The following FARS2 variants were observed in gnomAD, a reference collection of about 807,000 sequenced individuals.
FARS2 encodes the protein phenylalanine--tRNA ligase, mitochondrial.
FARS2 carries 40 observed loss-of-function variants against 46.4 expected under a neutral mutation model. That is an observed-to-expected ratio of 0.86 (90% confidence interval 0.67 to 1.12). The LOEUF (loss-of-function observed/expected upper bound fraction) is 1.12. Ranked by LOEUF, FARS2 falls within the 50% of genes most tolerant of loss-of-function variation. The pLI, the probability that FARS2 is intolerant of heterozygous loss-of-function variation, is 0.00. For missense variants in FARS2, 513 were observed against 567.9 expected, an observed-to-expected ratio of 0.90 and a Z score of 0.98; for synonymous variants, 234 against 214.9, an observed-to-expected ratio of 1.09 and a Z score of -0.78.
intron 6 of FARS2, among the ~76,000 whole-genome samples, chr6:5,696,380 G>A (rs188045479): frequency 6.6e-6 from 1 of 152,198 alleles, no homozygotes; most frequent in East Asian, 1.9e-4. Context: ...GTCTCATTAA[G>A]TATCACCCAG....
chr6:5,402,848 C>A (rs2432779), intron 2 of FARS2, among the ~76,000 whole-genome samples: 70,492 of 152,006 alleles, frequency 0.46, 18,547 homozygotes, highest in African/African-American at 0.72. Context: ...TTTTTAAAGG[C>A]TTTTCACACT....
At chr6:5,623,572 C>T (rs1325072244) in intron 6 of FARS2, among the ~76,000 whole-genome samples, 2 of 152,028 alleles carry the variant, frequency 1.3e-5, no homozygotes, top group African/African-American at 4.8e-5. Context: ...ATTAGCCAGA[C>T]GTGGTGGCAC....
intron 2 of FARS2, among the ~76,000 whole-genome samples, chr6:5,371,618 G>A (rs1759070460): frequency 6.6e-6 from 1 of 152,112 alleles, no homozygotes; most frequent in African/African-American, 2.4e-5. Context: ...AATAGATATT[G>A]AAAGTCTGCT....
At chr6:5,770,903 C>G (rs948483130) in intron 6 of FARS2, among the ~76,000 whole-genome samples, 2 of 152,150 alleles carry the variant, frequency 1.3e-5, no homozygotes, top group African/African-American at 4.8e-5. Flanking sequence ...AGGAGGCACA[C>G]GCGGGTTGAC....
intron 5 of FARS2, among the ~76,000 whole-genome samples, chr6:5,593,534 G>A (rs1774038238): frequency 6.6e-6 from 1 of 152,176 alleles, no homozygotes; most frequent in Admixed American, 6.5e-5. Flanking sequence ...TTCAGCACCT[G>A]TGGACAACTC....
In FARS2 at chr6:5,473,564, A is replaced by T. The variant is rs1278099518; in HGVS notation, c.904+42392A>T. Among the ~76,000 whole-genome samples, 7 of 151,470 alleles carry T rather than the reference A, an allele frequency of 4.6e-5. 1 individual carries two copies. The highest frequency in any genetic ancestry group is 1.7e-4 in the African/African-American group (7 of 41,298). ...AAAAAACAAAAAAAAAAAACAAAAG[A>T]ATACCCTGCTCCTGATTCAGGAGAG... On this transcript the variant is annotated intron_variant, in intron 4 of 6. Coordinates refer to ENST00000274680, the MANE Select transcript of FARS2 (RefSeq NM_006567.5).
chr6:5,390,578 A>G (rs17140394), intron 2 of FARS2, among the ~76,000 whole-genome samples: 11,379 of 152,284 alleles, frequency 0.075, 889 homozygotes, highest in African/African-American at 0.2. Flanking sequence ...TTTCTTGTGA[A>G]CAGCTCCTGG....
intron 1 of FARS2, among the ~76,000 whole-genome samples, chr6:5,295,371 C>G (rs973609810): frequency 7.9e-5 from 12 of 151,978 alleles, no homozygotes; most frequent in African/African-American, 2.9e-4. Flanking sequence ...AATTGTAGCT[C>G]ATGGTGTTAT....
chr6:5,368,954 C>T lies in FARS2; in HGVS notation c.384C>T (p.Ser128=). 6 of 1,614,160 alleles carry T rather than the reference C, an allele frequency of 3.7e-6. No homozygotes were observed. Among genetic ancestry groups the T allele is most frequent in the Non-Finnish European group, 5.1e-6 (6 of 1,180,026 alleles). The change falls in exon 2 of 7, where the codon AGC becomes AGT. Residue 128 remains serine, a synonymous_variant. Coordinates refer to ENST00000274680, the MANE Select transcript of FARS2 (RefSeq NM_006567.5). ...PVVTTWQNFD[S]LLIPADHPSR... ...TCACGACCTGGCAGAACTTTGACAG[C>T]CTGCTCATCCCAGCTGATCACCCCA...
At chr6:5,405,637 C>T (rs527343396) in intron 3 of FARS2, among the ~76,000 whole-genome samples, 2 of 151,912 alleles carry the variant, frequency 1.3e-5, no homozygotes, top group Admixed American at 6.6e-5. Context: ...GGATGACAGG[C>T]GCCCACCACC....
At chr6:5,387,539 T>C (rs910042092) in intron 2 of FARS2, among the ~76,000 whole-genome samples, 5 of 152,236 alleles carry the variant, frequency 3.3e-5, no homozygotes, top group Admixed American at 2.6e-4. Flanking sequence ...GTGAGATACA[T>C]GATTAGCATA....
chr6:5,414,410 C>T (rs1382742526), intron 3 of FARS2, among the ~76,000 whole-genome samples: 1 of 152,214 alleles, frequency 6.6e-6, no homozygotes, highest in African/African-American at 2.4e-5. Flanking sequence ...ACCACCTCTT[C>T]TGCCCACTCT....
At chr6:5,489,377 C>CTGGGAGGCA (rs1440587880) in intron 4 of FARS2, among the ~76,000 whole-genome samples, 2 of 152,168 alleles carry the variant, frequency 1.3e-5, no homozygotes, top group East Asian at 3.8e-4. Flanking sequence ...TCACTTGAAC[C>CTGGGAGGCA]TGGGAGGCAG....
intron 4 of FARS2, among the ~76,000 whole-genome samples, chr6:5,514,089 C>CATACATAT (rs1768629895): frequency 6.8e-6 from 1 of 147,068 alleles, no homozygotes; most frequent in African/African-American, 2.5e-5. Context: ...AAAATCTGGA[C>CATACATAT]ATATATATAT....
chr6:5,607,877 T>C (rs954606151), intron 5 of FARS2, among the ~76,000 whole-genome samples: 24 of 151,766 alleles, frequency 1.6e-4, no homozygotes, highest in African/African-American at 5.6e-4. Context: ...TATAGAAGAT[T>C]AGAATAATAC....
At chr6:5,477,598 C>G (rs901057908) in intron 4 of FARS2, among the ~76,000 whole-genome samples, 7 of 152,204 alleles carry the variant, frequency 4.6e-5, no homozygotes, top group Non-Finnish European at 1.0e-4. Context: ...GTCTTACTAG[C>G]TGGGTGACCT....
intron 5 of FARS2, among the ~76,000 whole-genome samples, chr6:5,546,517 T>C: frequency 6.6e-6 from 1 of 151,936 alleles, no homozygotes. Flanking sequence ...CCCGAAGTGC[T>C]GGGATTACAG....
At chr6:5,554,396 A>G (rs773693259) in intron 5 of FARS2, among the ~76,000 whole-genome samples, 1 of 152,184 alleles carries the variant, frequency 6.6e-6, no homozygotes, top group South Asian at 2.1e-4. Context: ...TCTTGTATCA[A>G]TTAGGTCATC....
At chr6:5,757,623 G>A (rs542588513) in intron 6 of FARS2, among the ~76,000 whole-genome samples, 5 of 152,332 alleles carry the variant, frequency 3.3e-5, no homozygotes, top group South Asian at 4.1e-4. Flanking sequence ...GACCGCAAAC[G>A]TCAGATAATG....
Sources: gnomAD v4.1 joint callset for allele counts (sites outside exome capture counted in the v4.1 genomes callset) on GRCh38, gnomAD v4.1.1 for gene constraint, MANE v1.5 for transcripts, NCBI Gene and HGNC (gene_info 2026-07-23, HGNC 2026-07-21) for gene names.